MALT1: variants seen among roughly 807,000 people sequenced by gnomAD.
The protein encoded by MALT1 is MALT1 paracaspase.
Under a neutral mutation model 85.5 loss-of-function variants are expected in MALT1, and 36 were observed. That is an observed-to-expected ratio of 0.42 (90% confidence interval 0.32 to 0.56). The LOEUF (loss-of-function observed/expected upper bound fraction) is 0.56, where lower values mean the gene tolerates loss of function less well. MALT1 is among the 20% of genes least tolerant of loss of function. The pLI is 0.10. For synonymous variants in MALT1, 359 were observed against 361.3 expected (o/e 0.99, Z 0.07); for missense variants, 716 against 981.6 (o/e 0.73, Z 3.62).
At chr18:58,709,916 T>G (rs2054808303) in intron 5 of MALT1, 60 bp from the exon 6 acceptor site, 1 of 1,111,670 alleles carries the variant, frequency 9.0e-7, no homozygotes, top group East Asian at 2.4e-5. Flanking sequence ...ACAAAATGAT[T>G]TTTTCTCCAA....
rs1024317563 is a variant in MALT1 at position 58,753,535 on chromosome 18, T to G, written c.*5693T>G. 1.3e-5 allele frequency: 2 copies of G among 152,220 alleles called. No individual in the cohort carries two copies. The highest frequency in any genetic ancestry group is 6.5e-5 in the Admixed American group (1 of 15,278). 9.4% of individuals were successfully genotyped at this position (152,220 alleles called of 1,614,324 possible). A position where few individuals can be genotyped will look rare whatever the true frequency, so the allele number is the denominator to read the frequency against. On this transcript the variant is annotated 3_prime_UTR_variant, in exon 17 of 17. Transcript: ENST00000649217. ...AGTGTATATCTTCTAAAGTTGCAAT[T>G]TTTGTTCACTCCAGAATCACTTTTC...
chr18:58,681,957 A>G (rs184147508), intron 2 of MALT1, among the ~76,000 whole-genome samples: 3 of 152,248 alleles, frequency 2.0e-5, no homozygotes, highest in African/African-American at 4.8e-5. Context: ...GAGTTGGTCT[A>G]CAGCAGTGGT....
Position 58,747,912 on chromosome 18 carries a change from G to GCATAATTTT in MALT1, c.*70_*71insCATAATTTT. ...ATAGTACTGCACTTACATAAAGTGA[G>GCATAATTTT]ACATTGTGAAAAGGCAAATTTGTAT... is the stretch of plus-strand genomic sequence containing the variant. On this transcript the variant is annotated 3_prime_UTR_variant, in exon 17 of 17. Coordinates refer to ENST00000649217, the MANE Select transcript of MALT1 (RefSeq NM_006785.4). The GCATAATTTT allele has an allele frequency of 7.4e-7, 1 of 1,343,664 alleles. No homozygotes were observed. Among genetic ancestry groups the GCATAATTTT allele is most frequent in the East Asian group, 2.3e-5 (1 of 43,446 alleles). 83.2% of individuals were successfully genotyped at this position (1,343,664 alleles called of 1,614,324 possible).
At chr18:58,720,554 A>G (rs376040302) in intron 9 of MALT1, among the ~76,000 whole-genome samples, 1 of 152,222 alleles carries the variant, frequency 6.6e-6, no homozygotes, top group Non-Finnish European at 1.5e-5. Context: ...TTATCGATAC[A>G]TATGTTTTAA....
At chr18:58,687,757 T>A (rs1186237796) in intron 2 of MALT1, among the ~76,000 whole-genome samples, 2 of 152,208 alleles carry the variant, frequency 1.3e-5, no homozygotes, top group Non-Finnish European at 2.9e-5. Flanking sequence ...AAGCTATGTG[T>A]CCTTTTGTCA....
chr18:58,728,331 C>T (rs1294824081), intron 10 of MALT1, among the ~76,000 whole-genome samples: 1 of 152,226 alleles, frequency 6.6e-6, no homozygotes, highest in Non-Finnish European at 1.5e-5. Flanking sequence ...TTGGGCCACA[C>T]ACGGTGGCTC....
chr18:58,711,220 T>A (rs1399282894), intron 7 of MALT1, among the ~76,000 whole-genome samples: 4 of 152,248 alleles, frequency 2.6e-5, no homozygotes, highest in African/African-American at 9.6e-5. Context: ...TTGTATCTTT[T>A]GAGTAGTGAA....
chr18:58,687,422 G>A (rs2054420724), intron 2 of MALT1, among the ~76,000 whole-genome samples: 1 of 152,154 alleles, frequency 6.6e-6, no homozygotes, highest in South Asian at 2.1e-4. Context: ...AAACATATGT[G>A]GACATACTTT....
chr18:58,737,304 A>ACC (rs200064182), intron 13 of MALT1, among the ~76,000 whole-genome samples: 2 of 151,516 alleles, frequency 1.3e-5, no homozygotes, highest in African/African-American at 2.4e-5. Flanking sequence ...ACATTGTCAG[A>ACC]CCCCCCATCT....
At chr18:58,689,281 A>C (rs527390283) in intron 2 of MALT1, among the ~76,000 whole-genome samples, 1 of 150,674 alleles carries the variant, frequency 6.6e-6, no homozygotes, top group South Asian at 2.1e-4. Context: ...AAAGTCTCAG[A>C]GAGTTTAATT....
At chr18:58,686,722 T>G (rs1454191203) in intron 2 of MALT1, among the ~76,000 whole-genome samples, 3 of 152,252 alleles carry the variant, frequency 2.0e-5, no homozygotes, top group East Asian at 3.8e-4. Context: ...ACATACGCAT[T>G]GTTATGTTTT....
At chr18:58,710,244 AATC>A (rs1321984592) in intron 6 of MALT1, among the ~76,000 whole-genome samples, 172 bp downstream of exon 6, 1 of 152,252 alleles carries the variant, frequency 6.6e-6, no homozygotes. Flanking sequence ...TGCATACTAA[AATC>A]ATAATCTAGG....
chr18:58,680,889 G>T (rs1210363391), intron 1 of MALT1, among the ~76,000 whole-genome samples: 2 of 131,286 alleles, frequency 1.5e-5, no homozygotes, highest in African/African-American at 5.7e-5. Context: ...CGCCACTGCA[G>T]TCCGCAGTCC....
rs1277161058 is a variant in MALT1, at chr18:58,671,722, G to A, written c.79G>A (p.Gly27Ser). ...GGGGCCGCTGCTCGCCCCTCCGGCC[G>A]GCGCGACCCTCAACCGCCTGCGGGA... is the stretch of plus-strand genomic sequence containing the variant. ...PTGPLLAPPAGATLNRLREPL... is the reference protein window; with the variant it reads ...PTGPLLAPPASATLNRLREPL... Residue 27 changes from glycine to serine, a missense_variant, in exon 1 of 17, where the codon GGC becomes AGC. Physicochemically the swap from Gly to Ser is moderately conservative, Grantham distance 56. Transcript: ENST00000649217. 3 of 1,280,054 alleles carry A rather than the reference G, an allele frequency of 2.3e-6. No individual in the cohort carries two copies. Among genetic ancestry groups the A allele is most frequent in the Non-Finnish European group, 3.0e-6 (3 of 1,013,400 alleles). 79.3% of individuals were successfully genotyped at this position (1,280,054 alleles called of 1,614,324 possible). A position where few individuals can be genotyped will look rare whatever the true frequency, so the allele number is the denominator to read the frequency against.
chr18:58,702,416 ACAT>A (rs1321662510), intron 4 of MALT1, among the ~76,000 whole-genome samples: 7 of 152,226 alleles, frequency 4.6e-5, no homozygotes, highest in African/African-American at 1.4e-4. Flanking sequence ...TGTGAAACTA[ACAT>A]CATGGAAAAA....
intron 9 of MALT1, 83 bp from the exon 10 acceptor site, chr18:58,722,965 C>T (rs2055004319): frequency 1.1e-6 from 1 of 881,746 alleles, no homozygotes; most frequent in Non-Finnish European, 1.8e-6. Flanking sequence ...TTAAAGCATA[C>T]TTTTTATTAT....
At chr18:58,698,095 T>G (rs1423622817) in intron 3 of MALT1, among the ~76,000 whole-genome samples, 1 of 140,920 alleles carries the variant, frequency 7.1e-6, no homozygotes, top group Non-Finnish European at 1.5e-5. Flanking sequence ...TGAGATGGAG[T>G]CTCGCTCTGT....
At chr18:58,732,920 A>T (rs529680308) in intron 10 of MALT1, among the ~76,000 whole-genome samples, 17,804 of 147,662 alleles carry the variant, frequency 0.12, 1,796 homozygotes, top group African/African-American at 0.28. Context: ...TTATTTATTT[A>T]TTTATTTTGA....
rs1334019211 is a variant in MALT1 at position 58,751,977 on chromosome 18, T to C, written c.*4135T>C. On this transcript the variant is annotated 3_prime_UTR_variant, in exon 17 of 17. Coordinates refer to ENST00000649217, the MANE Select transcript of MALT1 (RefSeq NM_006785.4). ...AAGAAGAATCCTGGCACAGAAAAGG[T>C]CCATTTAGACATTGCCTTCTTCCCC... 3 of 152,154 alleles carry C rather than the reference T, an allele frequency of 2.0e-5. No homozygotes were observed. The highest frequency in any genetic ancestry group is 2.0e-4 in the Admixed American group (3 of 15,266). The allele number at this position is 152,154 out of a possible 1,614,324, so 9.4% of individuals were successfully genotyped here.
Sources: gnomAD v4.1 joint callset for allele counts (sites outside exome capture counted in the v4.1 genomes callset) on GRCh38, gnomAD v4.1.1 for gene constraint, MANE v1.5 for transcripts, NCBI Gene and HGNC (gene_info 2026-07-23, HGNC 2026-07-21) for gene names.